The following PKD1L1 variants were observed in gnomAD, a reference collection of about 807,000 sequenced individuals.
The protein encoded by PKD1L1 is polycystin-1-like protein 1.
A neutral mutation model predicts 323.4 loss-of-function variants in PKD1L1; 236 were observed. The ratio of observed to expected loss-of-function variants is 0.73; its 90% CI spans 0.66 to 0.81. The LOEUF (loss-of-function observed/expected upper bound fraction) is 0.81, where lower values mean the gene tolerates loss of function less well. PKD1L1 is among the 40% of genes least tolerant of loss of function. PKD1L1 has a pLI of 0.00. For synonymous variants in PKD1L1, 1,344 were observed against 1,335.0 expected, an observed-to-expected ratio of 1.01 and a Z score of -0.15; for missense variants, 3,320 against 3,508.0, an observed-to-expected ratio of 0.95 and a Z score of 1.35.
chr7:47,941,381 G>T lies in PKD1L1; in HGVS notation c.161-1064C>A, dbSNP rs149308425. On this transcript the variant is annotated intron_variant, in intron 2 of 56. Coordinates refer to ENST00000289672, the MANE Select transcript of PKD1L1 (RefSeq NM_138295.5). The stretch of plus-strand genomic sequence containing the variant: ...CCAGGGCTGGGCCATCCTCACAGGG[G>T]ATGTGGCTTCCAATCCCTGCACCCC... 1.3e-3 allele frequency among the ~76,000 whole-genome samples: 196 copies of T among 152,328 alleles called. 1 individual carries two copies. The highest frequency in any genetic ancestry group is 4.6e-3 in the African/African-American group (192 of 41,562).
intron 16 of PKD1L1, 30 bp downstream of exon 16, chr7:47,890,512 C>T (rs1232369348): frequency 6.2e-7 from 1 of 1,603,338 alleles, no homozygotes; most frequent in Non-Finnish European, 8.5e-7. Flanking sequence ...CACCGGTGAG[C>T]TGAGCTGTGC....
chr7:47,790,844 C>A (rs1045380496), intron 56 of PKD1L1, among the ~76,000 whole-genome samples: 3 of 151,834 alleles, frequency 2.0e-5, no homozygotes, highest in Admixed American at 1.3e-4. Flanking sequence ...GCAGCTTCTA[C>A]CTCCTGGACC....
chr7:47,901,150 C>T (rs942765943), intron 13 of PKD1L1, among the ~76,000 whole-genome samples: 2 of 151,864 alleles, frequency 1.3e-5, no homozygotes, highest in Non-Finnish European at 2.9e-5. Flanking sequence ...GACCAGCTAG[C>T]CTGGCCAATA....
At position 47,925,918 on chromosome 7, in the gene PKD1L1, A is replaced by G. The variant is rs1787649310; in HGVS notation, c.1060+3286T>C. 1.3e-5 allele frequency among the ~76,000 whole-genome samples: 2 copies of G among 152,230 alleles called. 1 individual carries two copies. Among genetic ancestry groups the G allele is most frequent in the South Asian group, 4.1e-4 (2 of 4,832 alleles). On this transcript the variant is annotated intron_variant, in intron 7 of 56. Transcript: ENST00000289672. ...GGAAAAAATATCCCTTTTATAATAA[A>G]TAGTGCAAAAAATAAAATATCATAC...
chr7:47,814,782 G>C (rs964265798), intron 47 of PKD1L1, among the ~76,000 whole-genome samples: 1 of 152,204 alleles, frequency 6.6e-6, no homozygotes, highest in Admixed American at 6.5e-5. Flanking sequence ...AAAGTGCTGG[G>C]ATTACAGGTG....
chr7:47,864,615 T>C (rs1786113889), intron 26 of PKD1L1, among the ~76,000 whole-genome samples: 1 of 143,850 alleles, frequency 7.0e-6, no homozygotes, highest in Non-Finnish European at 1.5e-5. Flanking sequence ...TTTCTTTCTT[T>C]CTTTCTTTCT....
chr7:47,890,555 C>G lies in PKD1L1; in HGVS notation c.2662G>C (p.Asp888His). The G allele has an allele frequency of 6.2e-7, 1 of 1,614,066 alleles. No homozygotes were observed. Among genetic ancestry groups the G allele is most frequent in the East Asian group, 2.2e-5 (1 of 44,874 alleles). Reference protein sequence around the residue: ...ETRVFLSPYPDSAFRFVHISW... With the variant: ...ETRVFLSPYPHSAFRFVHISW... ...AGGGTCAGGTACCTGAACGCCGAGT[C>G]AGGGTAGGGGGACAGGAACACCCGG... is the stretch of plus-strand genomic sequence containing the variant. Residue 888 changes from aspartate (D) to histidine (H), a missense_variant, in exon 16 of 57, where the codon GAC becomes CAC. Transcript: ENST00000289672.
chr7:47,898,270 A>C, intron 13 of PKD1L1, 76 bp from the exon 14 acceptor site: 1 of 1,239,230 alleles, frequency 8.1e-7, no homozygotes, highest in East Asian at 2.4e-5. Flanking sequence ...CTAGAAACTT[A>C]GTCTTAACTG....
At chr7:47,785,749 T>A (rs1302105939) in intron 56 of PKD1L1, among the ~76,000 whole-genome samples, 1 of 151,444 alleles carries the variant, frequency 6.6e-6, no homozygotes, top group Non-Finnish European at 1.5e-5. Context: ...TCTTTCTTTT[T>A]TTTTTTTTTT....
Position 47,813,930 on chromosome 7 carries a change from C to A in PKD1L1, c.7173+1G>T, listed in dbSNP as rs763523286. 3 of 1,612,448 alleles carry A rather than the reference C, an allele frequency of 1.9e-6. No homozygotes were observed. The highest frequency in any genetic ancestry group is 2.5e-6 in the Non-Finnish European group (3 of 1,178,580). On this transcript the variant is annotated splice_donor_variant, in intron 48 of 56. Transcript: ENST00000289672. LOFTEE classifies it high-confidence loss of function. ...AAGCAAAAGGAAAAGGAACATCTTA[C>A]CTTGCATAAATGCCTAGGAAAAACT...
In PKD1L1 at chr7:47,803,289, T is replaced by C. The variant is rs772660280; in HGVS notation, c.7883A>G (p.Tyr2628Cys). The C allele has an allele frequency of 4.3e-6, 7 of 1,614,080 alleles. No individual in the cohort carries two copies. The highest frequency in any genetic ancestry group is 3.3e-4 in the Middle Eastern group (2 of 6,058). Residue 2628 changes from tyrosine (Y) to cysteine (C), a missense_variant, in exon 53 of 57, where the codon TAT becomes TGT. Tyr to Cys is a radical substitution (Grantham distance 194). Coordinates refer to ENST00000289672, the MANE Select transcript of PKD1L1 (RefSeq NM_138295.5). The stretch of plus-strand genomic sequence containing the variant: ...CATTGTGTTTTGAATGCCAGGAAGA[T>C]AGACGCATTTTAATGTGAAGAGGAA... ...LLFLFTLKCV[Y>C]LPGIQNTMAS...
intron 26 of PKD1L1, among the ~76,000 whole-genome samples, chr7:47,865,003 G>A (rs972219707): frequency 6.6e-6 from 1 of 152,060 alleles, no homozygotes; most frequent in Non-Finnish European, 1.5e-5. Flanking sequence ...TGAGATTACA[G>A]GTGTGAGCCA....
chr7:47,845,401 C>T (rs983491497), intron 32 of PKD1L1, among the ~76,000 whole-genome samples: 7 of 152,200 alleles, frequency 4.6e-5, no homozygotes, highest in Non-Finnish European at 7.3e-5. Flanking sequence ...TCTCGGGTCC[C>T]AGTCACAGCC....
At chr7:47,833,057 A>G (rs1785380101) in intron 41 of PKD1L1, 33 bp downstream of exon 41, 2 of 1,590,494 alleles carry the variant, frequency 1.3e-6, no homozygotes, top group African/African-American at 1.3e-5. Flanking sequence ...CTGGACTGGC[A>G]GGAAGGGGGC....
rs774306109 is a variant in PKD1L1, at chr7:47,796,091, A to G, written c.8253T>C (p.Phe2751=). 1.2e-6 allele frequency: 2 copies of G among 1,611,522 alleles called. No individual in the cohort carries two copies. The highest frequency in any genetic ancestry group is 2.7e-5 in the African/African-American group (2 of 75,004). The change falls in exon 55 of 57, where the codon TTT becomes TTC. Residue 2751 remains phenylalanine, a synonymous_variant. Coordinates refer to ENST00000289672, the MANE Select transcript of PKD1L1 (RefSeq NM_138295.5). ...AAGCAGTGACATCTTTAAGTCTCAC[A>G]AAAGATTTACTTTGAAAAGATTTTC... The part of the protein sequence containing the change: ...QKRKSFQSKS[F]VRLKDVTAYM...
intron 28 of PKD1L1, among the ~76,000 whole-genome samples, chr7:47,856,241 GT>G (rs1785902327): frequency 6.6e-6 from 1 of 152,138 alleles, no homozygotes; most frequent in African/African-American, 2.4e-5. Flanking sequence ...GTTTCACCAT[GT>G]TGGTCAGGTT....
intron 50 of PKD1L1, among the ~76,000 whole-genome samples, chr7:47,810,903 G>C (rs12670522): frequency 0.11 from 17,164 of 152,176 alleles, 1,219 homozygotes; most frequent in Non-Finnish European, 0.16. Context: ...TGTGGGGATG[G>C]GGCTCCTAAG....
In PKD1L1 at chr7:47,908,096, G is replaced by A. The variant is rs745884344; in HGVS notation, c.1383C>T (p.Asp461=). The A allele has an allele frequency of 6.2e-7, 1 of 1,613,912 alleles. No homozygotes were observed. The highest frequency in any genetic ancestry group is 8.5e-7 in the Non-Finnish European group (1 of 1,179,998). The part of the protein sequence containing the change: ...VHEDEVLVFA[D]SQVNQKSTVV... Reference sequence around the variant, plus strand: ...TCTTACTTTTCTGATTCACTTGGGAGTCAGCAAAGACAAGCACTTCATCTT... The same window carrying A: ...TCTTACTTTTCTGATTCACTTGGGAATCAGCAAAGACAAGCACTTCATCTT... The change falls in exon 9 of 57, where the codon GAC becomes GAT. Residue 461 remains aspartate, a synonymous_variant. Transcript: ENST00000289672.
chr7:47,937,376 A>G (rs989506955), intron 3 of PKD1L1, among the ~76,000 whole-genome samples: 1 of 152,104 alleles, frequency 6.6e-6, no homozygotes, highest in Admixed American at 6.5e-5. Flanking sequence ...AGGTGGAGGC[A>G]CACCTGCTTC....
Sources: gnomAD v4.1 joint callset for allele counts (sites outside exome capture counted in the v4.1 genomes callset) on GRCh38, gnomAD v4.1.1 for gene constraint, MANE v1.5 for transcripts, NCBI Gene and HGNC (gene_info 2026-07-23, HGNC 2026-07-21) for gene names.